Variants in FSTL4 observed in about 807,000 individuals in gnomAD.
FSTL4 encodes the protein follistatin-related protein 4.
In FSTL4, 28 loss-of-function variants were observed where a neutral mutation model predicts 78.2. The ratio of observed to expected loss-of-function variants is 0.36; its 90% CI spans 0.27 to 0.49. FSTL4 has a LOEUF of 0.49. FSTL4 is among the 20% of genes least tolerant of loss of function. The pLI is 0.98. For missense variants in FSTL4, 922 were observed against 1,084.9 expected, an observed-to-expected ratio of 0.85 and a Z score of 2.11; for synonymous variants, 422 against 440.5, an observed-to-expected ratio of 0.96 and a Z score of 0.53.
the FSTL4 span, among the ~76,000 whole-genome samples, chr5:133,797,886 C>A: frequency 6.6e-6 from 1 of 152,158 alleles, no homozygotes; most frequent in South Asian, 2.1e-4. Context: ...CCTCCTGCTT[C>A]AAGTCTCAAG....
At chr5:133,627,928 T>C in the FSTL4 span, among the ~76,000 whole-genome samples, 1 of 152,210 alleles carries the variant, frequency 6.6e-6, no homozygotes, top group South Asian at 2.1e-4. Context: ...AGTATATCTC[T>C]TTGTATCACT....
chr5:133,558,373 C>G (rs1759834885), intron 3 of FSTL4, among the ~76,000 whole-genome samples: 1 of 152,132 alleles, frequency 6.6e-6, no homozygotes, highest in Admixed American at 6.5e-5. Flanking sequence ...GAAGCTGGAG[C>G]CCCGAAGAAC....
At chr5:133,301,273 G>A (rs755014639) in intron 6 of FSTL4, among the ~76,000 whole-genome samples, 2 of 152,172 alleles carry the variant, frequency 1.3e-5, no homozygotes, top group African/African-American at 2.4e-5. Context: ...GCCACACCTC[G>A]CTGTGAGTTG....
intron 13 of FSTL4, among the ~76,000 whole-genome samples, chr5:133,215,485 C>T (rs1416227551): frequency 6.6e-6 from 1 of 152,176 alleles, no homozygotes; most frequent in Non-Finnish European, 1.5e-5. Context: ...ACTTAAATCA[C>T]CCCCCAATCT....
chr5:133,220,169 T>C (rs546784571), intron 12 of FSTL4, among the ~76,000 whole-genome samples: 6 of 152,368 alleles, frequency 3.9e-5, no homozygotes, highest in Admixed American at 2.0e-4. Context: ...GGGGAAGGCA[T>C]ATGGGGCATT....
At chr5:133,493,016 AAAT>A (rs1254092603) in intron 3 of FSTL4, among the ~76,000 whole-genome samples, 2 of 152,096 alleles carry the variant, frequency 1.3e-5, no homozygotes, top group Non-Finnish European at 2.9e-5. Flanking sequence ...TTATTAATTT[AAAT>A]AATGTTAATT....
At chr5:133,278,921 T>G (rs757573811) in intron 6 of FSTL4, among the ~76,000 whole-genome samples, 2 of 152,210 alleles carry the variant, frequency 1.3e-5, no homozygotes, top group Non-Finnish European at 2.9e-5. Context: ...TACAGGGTAG[T>G]AACAGCCTTC....
chr5:133,629,242 G>A, the FSTL4 span, among the ~76,000 whole-genome samples: 3 of 151,944 alleles, frequency 2.0e-5, no homozygotes, highest in Non-Finnish European at 2.9e-5. Flanking sequence ...TGTGGTTTTT[G>A]TCATTGGTTC....
the FSTL4 span, among the ~76,000 whole-genome samples, chr5:133,639,233 T>A: frequency 6.6e-6 from 1 of 152,180 alleles, no homozygotes; most frequent in East Asian, 1.9e-4. Context: ...ATTTTCTCAC[T>A]CATAAGTCAG....
chr5:133,438,917 C>T (rs775027648), intron 3 of FSTL4, among the ~76,000 whole-genome samples: 4 of 152,224 alleles, frequency 2.6e-5, no homozygotes, highest in East Asian at 1.9e-4. Context: ...GGGATGAGCG[C>T]GGATGCTCAA....
At chr5:133,205,634 A>C (rs960321406) in intron 14 of FSTL4, among the ~76,000 whole-genome samples, 8 of 152,252 alleles carry the variant, frequency 5.3e-5, no homozygotes, top group Non-Finnish European at 8.8e-5. Context: ...TCAATTAAAA[A>C]GAATTTAACA....
chr5:133,662,079 C>T, the FSTL4 span, among the ~76,000 whole-genome samples: 1 of 152,112 alleles, frequency 6.6e-6, no homozygotes, highest in African/African-American at 2.4e-5. Flanking sequence ...TTAAACTTTA[C>T]AATAAACTAG....
At chr5:133,831,040 G>A in the FSTL4 span, among the ~76,000 whole-genome samples, 323 of 152,264 alleles carry the variant, frequency 2.1e-3, no homozygotes, top group African/African-American at 7.5e-3. Context: ...GGGCCGAGAC[G>A]CTTAGCAGGT....
the FSTL4 span, among the ~76,000 whole-genome samples, chr5:133,830,016 G>A: frequency 2.6e-5 from 4 of 152,204 alleles, no homozygotes; most frequent in South Asian, 6.2e-4. Flanking sequence ...TGGCCTGGAT[G>A]AGGATGAGGG....
At chr5:133,663,981 A>G in the FSTL4 span, among the ~76,000 whole-genome samples, 9 of 152,194 alleles carry the variant, frequency 5.9e-5, no homozygotes, top group Non-Finnish European at 2.9e-5. Context: ...GAATGCTATG[A>G]GCAAATGTCC....
At chr5:133,549,142 T>C (rs1330540897) in intron 3 of FSTL4, among the ~76,000 whole-genome samples, 1 of 152,220 alleles carries the variant, frequency 6.6e-6, no homozygotes, top group East Asian at 1.9e-4. Flanking sequence ...GCTGTCTTCC[T>C]TTAGTTTTGC....
the FSTL4 span, among the ~76,000 whole-genome samples, chr5:133,621,723 TACC>T: frequency 2.6e-5 from 4 of 151,976 alleles, no homozygotes; most frequent in African/African-American, 9.7e-5. Context: ...TGTAACCACA[TACC>T]ACCTGTATCC....
Position 133,198,795 on chromosome 5 carries a change from T to C in FSTL4, c.*300A>G, listed in dbSNP as rs1381151956. Reference sequence around the variant, plus strand: ...GTGTCTGCTTGGAGAGCAGGATCCCTTGGTTCCATGATGTCCCCAGGTCAC... The same window carrying C: ...GTGTCTGCTTGGAGAGCAGGATCCCCTGGTTCCATGATGTCCCCAGGTCAC... On this transcript the variant is annotated 3_prime_UTR_variant, in exon 16 of 16. Transcript: ENST00000265342. The C allele has an allele frequency of 7.8e-6, 2 of 256,050 alleles. No individual in the cohort carries two copies. The highest frequency in any genetic ancestry group is 4.4e-5 in the African/African-American group (2 of 45,330). 15.9% of individuals were successfully genotyped at this position (256,050 alleles called of 1,614,324 possible).
the FSTL4 span, among the ~76,000 whole-genome samples, chr5:133,654,336 C>T: frequency 6.6e-6 from 1 of 152,226 alleles, no homozygotes. Flanking sequence ...GCTCTTTTTA[C>T]TATCTGAGGC....
Sources: gnomAD v4.1 joint callset for allele counts (sites outside exome capture counted in the v4.1 genomes callset) on GRCh38, gnomAD v4.1.1 for gene constraint, MANE v1.5 for transcripts, NCBI Gene and HGNC (gene_info 2026-07-23, HGNC 2026-07-21) for gene names.